CDR2L: variants seen among roughly 807,000 people sequenced by gnomAD.
CDR2L encodes the protein cerebellar degeneration related protein 2 like.
A neutral mutation model predicts 36.1 loss-of-function variants in CDR2L; 19 were observed. The ratio of observed to expected loss-of-function variants is 0.53; its 90% CI spans 0.37 to 0.77. CDR2L has a LOEUF of 0.77. CDR2L is among the 30% of genes least tolerant of loss of function. The pLI is 0.00. For missense variants in CDR2L, 575 were observed against 627.2 expected, an observed-to-expected ratio of 0.92 and a Z score of 0.89; for synonymous variants, 285 against 280.4, an observed-to-expected ratio of 1.02 and a Z score of -0.16.
At chr17:74,999,325 C>CACACACACAAAAAA (rs368672422) in intron 1 of CDR2L, among the ~76,000 whole-genome samples, 179 bp from the exon 2 acceptor site, 3 of 151,094 alleles carry the variant, frequency 2.0e-5, no homozygotes, top group East Asian at 4.0e-4. Flanking sequence ...CAGACACACA[C>CACACACACAAAAAA]AAAAAGAACA....
intron 1 of CDR2L, among the ~76,000 whole-genome samples, chr17:74,997,042 T>G (rs2039830512): frequency 1.2e-4 from 1 of 8,344 alleles, no homozygotes; most frequent in South Asian, 4.2e-3. Context: ...TTTTCTTTCT[T>G]TCTTTCTTTC....
At chr17:74,998,467 A>G (rs1238527615) in intron 1 of CDR2L, among the ~76,000 whole-genome samples, 2 of 151,610 alleles carry the variant, frequency 1.3e-5, no homozygotes, top group Non-Finnish European at 2.9e-5. Flanking sequence ...TGCAGCACAT[A>G]TGATCACACC....
chr17:74,992,595 G>A lies in CDR2L; in HGVS notation c.79+4473G>A, dbSNP rs1429216355. Reference sequence around the variant, plus strand: ...TCTCCCTAGTACTTGGCTCCACTCAGTTCCCTGCTCTGCAACTTCTAGACT... The same window carrying A: ...TCTCCCTAGTACTTGGCTCCACTCAATTCCCTGCTCTGCAACTTCTAGACT... On this transcript the variant is annotated intron_variant, in intron 1 of 4. Coordinates refer to ENST00000337231, the MANE Select transcript of CDR2L (RefSeq NM_014603.3). Among the ~76,000 whole-genome samples, 7 of 152,266 alleles carry A rather than the reference G, an allele frequency of 4.6e-5. No individual in the cohort carries two copies. The East Asian group carries it at 1.4e-3, about 29-fold the overall frequency.
At position 75,002,198 on chromosome 17, in the gene CDR2L, C is replaced by T. The variant is rs531688026; in HGVS notation, c.476C>T (p.Pro159Leu). 71 of 1,610,102 alleles carry T rather than the reference C, an allele frequency of 4.4e-5. No homozygotes were observed. In the South Asian group the frequency reaches 7.0e-4, roughly 16 times the overall value. Reference protein sequence around the residue: ...RERRRTIHTFPCLKELCTSPR... With the variant: ...RERRRTIHTFLCLKELCTSPR... ...CGCAGGCGTACCATCCACACCTTCC[C>T]CTGCCTCAAGGAGCTGTGCACCAGC... The change falls in exon 4 of 5, where the codon CCC (proline) becomes CTC (leucine). Residue 159 changes from proline (P) to leucine (L), a missense_variant. Physicochemically the swap from Pro to Leu is moderately conservative, Grantham distance 98. Transcript: ENST00000337231. This position sits in a 1 kb window ranked among gnomAD's most constrained non-coding sequence, Gnocchi z 4.1.
In CDR2L at chr17:75,005,385, C is replaced by T. The variant is rs1206048670; in HGVS notation, c.*1311C>T. 6.5e-6 allele frequency: 1 copy of T among 152,820 alleles called. No homozygotes were observed. The allele number at this position is 152,820 out of a possible 1,614,324, so 9.5% of individuals were successfully genotyped here. ...TTAGAAACCAGAAGAGCCATACAGT[C>T]AGTGGAAGGCGGGGGGGCCCTGGCC... On this transcript the variant is annotated 3_prime_UTR_variant, in exon 5 of 5. Transcript: ENST00000337231. The surrounding 1 kb of genome is among the most constrained non-coding windows in gnomAD (Gnocchi z 4.2).
In CDR2L at chr17:74,997,067, TCTTTCTTTC is replaced by T. The variant is rs1567974299; in HGVS notation, c.80-2436_80-2428del. Among the ~76,000 whole-genome samples, 425 of 43,784 alleles carry T rather than the reference TCTTTCTTTC, an allele frequency of 9.7e-3. 23 individuals carry two copies. Among genetic ancestry groups the T allele is most frequent in the South Asian group, 0.013 (16 of 1,248 alleles). The allele number at this position is 43,784 out of a possible 152,430, so 28.7% of individuals were successfully genotyped here. A position where few individuals can be genotyped will look rare whatever the true frequency, so the allele number is the denominator to read the frequency against. On this transcript the variant is annotated intron_variant, in intron 1 of 4. Coordinates refer to ENST00000337231, the MANE Select transcript of CDR2L (RefSeq NM_014603.3). Reference sequence around the variant, plus strand: ...TTCTTTCTTTCTTTCTTTCTTTCTTTCTTTCTTTCTTTCTTTCTTTTTTTTTTTTGAGAC... The same window carrying T: ...TTCTTTCTTTCTTTCTTTCTTTCTTTTTTCTTTCTTTTTTTTTTTTGAGAC...
chr17:75,003,198 C>G lies in CDR2L; in HGVS notation c.522C>G (p.Phe174Leu), dbSNP rs915546621. Residue 174 changes from phenylalanine to leucine, a missense_variant, in exon 5 of 5, where the codon TTC becomes TTG. Phe to Leu is a conservative substitution (Grantham distance 22, BLOSUM62 0). Coordinates refer to ENST00000337231, the MANE Select transcript of CDR2L (RefSeq NM_014603.3). ...LCTSPRCKDA[F>L]RLHSSSLELG... ...TACCCGCCAGGTGCAAGGATGCTTT[C>G]CGCCTACACAGTTCCTCCCTGGAGC... 5.1e-6 allele frequency: 8 copies of G among 1,564,000 alleles called. No homozygotes were observed. In the African/African-American group the frequency reaches 8.2e-5, roughly 16 times the overall value.
chr17:74,998,784 T>C (rs919382302), intron 1 of CDR2L, among the ~76,000 whole-genome samples: 1 of 152,208 alleles, frequency 6.6e-6, no homozygotes, highest in African/African-American at 2.4e-5. Context: ...TGAGGCTGGC[T>C]TCTGGGTTGT....
Position 75,002,377 on chromosome 17 carries a change from C to A in CDR2L, c.506+149C>A. On this transcript the variant is annotated intron_variant, in intron 4 of 4. Transcript: ENST00000337231. This position sits in a 1 kb window ranked among gnomAD's most constrained non-coding sequence, Gnocchi z 4.1. ...TGACAGTCACAGCAGCTGGCGTTTA[C>A]TGAGCCCTGGCTGTGTGCTGCCACT... 1 of 697,104 alleles carries A rather than the reference C, an allele frequency of 1.4e-6. No homozygotes were observed. The highest frequency in any genetic ancestry group is 1.9e-5 in the South Asian group (1 of 53,460). 43.2% of individuals were successfully genotyped at this position (697,104 alleles called of 1,614,324 possible). A position where few individuals can be genotyped will look rare whatever the true frequency, so the allele number is the denominator to read the frequency against.
chr17:74,988,196 C>T, intron 1 of CDR2L, 74 bp downstream of exon 1: 1 of 1,134,726 alleles, frequency 8.8e-7, no homozygotes, highest in Non-Finnish European at 1.2e-6. Flanking sequence ...CATTGTTGGG[C>T]GCTATCACCC....
At position 75,004,040 on chromosome 17, in the gene CDR2L, A is replaced by G. The variant is rs1347302831; in HGVS notation, c.1364A>G (p.Asn455Ser). 5 of 1,610,980 alleles carry G rather than the reference A, an allele frequency of 3.1e-6. No individual in the cohort carries two copies. In the South Asian group the frequency reaches 4.4e-5, roughly 14 times the overall value. Residue 455 changes from asparagine (N) to serine (S), a missense_variant, in exon 5 of 5, where the codon AAC becomes AGC. Transcript: ENST00000337231. ...ATCCAGAAGACCAAGGCTGACATCA[A>G]CGCCACCAAAGTCAAGACGCACAGC... ...SRIQKTKADI[N>S]ATKVKTHSSK
At chr17:74,990,032 T>A (rs1270806916) in intron 1 of CDR2L, among the ~76,000 whole-genome samples, 1 of 152,208 alleles carries the variant, frequency 6.6e-6, no homozygotes, top group Non-Finnish European at 1.5e-5. Context: ...AAGATGGTTT[T>A]CAGGGAGGCC....
rs187215004 is a variant in CDR2L at position 75,003,577 on chromosome 17, G to A, written c.901G>A (p.Gly301Arg). The A allele has an allele frequency of 9.3e-6, 14 of 1,509,066 alleles. No homozygotes were observed. The highest frequency in any genetic ancestry group is 1.2e-5 in the Non-Finnish European group (13 of 1,128,046). 93.5% of individuals were successfully genotyped at this position (1,509,066 alleles called of 1,614,324 possible). Residue 301 changes from glycine to arginine, a missense_variant, in exon 5 of 5, where the codon GGG becomes AGG. Coordinates refer to ENST00000337231, the MANE Select transcript of CDR2L (RefSeq NM_014603.3). ...CGGGGACGACTTGGGCGCCCAGGAC[G>A]GGGTCTCCTCACCGGCAGCCTCTCC... ...GRGDDLGAQD[G>R]VSSPAASPGH... is the part of the protein sequence containing the mutation.
chr17:74,993,317 G>A (rs762326823), intron 1 of CDR2L, among the ~76,000 whole-genome samples: 10 of 150,988 alleles, frequency 6.6e-5, no homozygotes, highest in Non-Finnish European at 1.3e-4. Flanking sequence ...TTGGTCCATC[G>A]CCCAGGCTGG....
In CDR2L at chr17:74,989,661, T is replaced by A. The variant is rs2039785153; in HGVS notation, c.79+1539T>A. On this transcript the variant is annotated intron_variant, in intron 1 of 4. Transcript: ENST00000337231. This position sits in a 1 kb window ranked among gnomAD's most constrained non-coding sequence, Gnocchi z 4.2. ...TTTCTTTTTTCTTTTTATTTATTTA[T>A]TTATTTATTTTCAGACAGAGTCTCC... Among the ~76,000 whole-genome samples, 1 of 151,922 alleles carries A rather than the reference T, an allele frequency of 6.6e-6. No individual in the cohort carries two copies.
chr17:74,989,665 T>C lies in CDR2L; in HGVS notation c.79+1543T>C, dbSNP rs2039785165. Among the ~76,000 whole-genome samples the C allele has an allele frequency of 6.6e-6, 1 of 152,098 alleles. No homozygotes were observed. Among genetic ancestry groups the C allele is most frequent in the South Asian group, 2.1e-4 (1 of 4,822 alleles). On this transcript the variant is annotated intron_variant, in intron 1 of 4. Coordinates refer to ENST00000337231, the MANE Select transcript of CDR2L (RefSeq NM_014603.3). This position sits in a 1 kb window ranked among gnomAD's most constrained non-coding sequence, Gnocchi z 4.2. ...TTTTTTCTTTTTATTTATTTATTTATTTATTTTCAGACAGAGTCTCCCTCT... is the reference window on the plus strand; with the variant it reads ...TTTTTTCTTTTTATTTATTTATTTACTTATTTTCAGACAGAGTCTCCCTCT...
intron 2 of CDR2L, among the ~76,000 whole-genome samples, chr17:75,000,924 A>C (rs897857200): frequency 6.6e-6 from 1 of 151,714 alleles, no homozygotes; most frequent in Non-Finnish European, 1.5e-5. Context: ...TCTCAAAAAA[A>C]ATAAATTAAT....
intron 1 of CDR2L, among the ~76,000 whole-genome samples, chr17:74,995,407 C>G (rs1371564357): frequency 6.6e-6 from 1 of 152,182 alleles, no homozygotes; most frequent in Non-Finnish European, 1.5e-5. Context: ...AAGCAATCCT[C>G]CCACCTCGGC....
rs1042084274 is a variant in CDR2L at position 74,999,264 on chromosome 17, T to G, written c.80-240T>G. Among the ~76,000 whole-genome samples, 34 of 149,626 alleles carry G rather than the reference T, an allele frequency of 2.3e-4. No individual in the cohort carries two copies. In the Admixed American group the frequency reaches 2.3e-3, roughly 10 times the overall value. Reference sequence around the variant, plus strand: ...AATGTTGAAAGCAACCATTCCTATTTTTGTTTGTTTTTTATTACATCTTGC... The same window carrying G: ...AATGTTGAAAGCAACCATTCCTATTGTTGTTTGTTTTTTATTACATCTTGC... On this transcript the variant is annotated intron_variant, in intron 1 of 4. Transcript: ENST00000337231.
Sources: gnomAD v4.1 joint callset for allele counts (sites outside exome capture counted in the v4.1 genomes callset) on GRCh38, gnomAD v4.1.1 for gene constraint, Gnocchi (gnomAD v3.1) non-coding constraint, MANE v1.5 for transcripts, NCBI Gene and HGNC (gene_info 2026-07-23, HGNC 2026-07-21) for gene names.